Variants in SPTB observed in about 807,000 individuals in gnomAD.
The protein encoded by SPTB is spectrin beta, erythrocytic.
A neutral mutation model predicts 256.2 loss-of-function variants in SPTB; 45 were observed. That is an observed-to-expected ratio of 0.18 (90% CI 0.14 to 0.23). SPTB has a LOEUF of 0.23. Ranked by LOEUF, SPTB falls within the 10% of genes least tolerant of loss-of-function variation. The pLI is 1.00. For synonymous variants in SPTB, 1,231 were observed against 1,243.1 expected (o/e 0.99, Z 0.21); for missense variants, 2,715 against 3,040.4 (o/e 0.89, Z 2.52).
chr14:64,767,699 C>T lies in SPTB; in HGVS notation c.6183G>A (p.Trp2061Ter). ...TCTCCAGGGCAGCAAAGCGCTCTGC[C>T]CAGCTGGCCGTGGACTTCTCAAAAG... ...HEAFEKSTAS[W>*]AERFAALEKP... The change falls in exon 30 of 36, where the codon TGG becomes TGA. Residue 2061 changes from tryptophan to a stop codon, truncating the protein, a stop_gained. Coordinates refer to ENST00000644917, the MANE Select transcript of SPTB (RefSeq NM_001355436.2). LOFTEE classifies it high-confidence loss of function. 1 of 1,614,208 alleles carries T rather than the reference C, an allele frequency of 6.2e-7. No homozygotes were observed. The highest frequency in any genetic ancestry group is 8.5e-7 in the Non-Finnish European group (1 of 1,180,036).
chr14:64,839,259 G>A (rs1467016080), intron 1 of SPTB, among the ~76,000 whole-genome samples: 1 of 152,224 alleles, frequency 6.6e-6, no homozygotes, highest in East Asian at 1.9e-4. Context: ...AAAAAGGCAA[G>A]AATTGATATA....
intron 12 of SPTB, among the ~76,000 whole-genome samples, 153 bp from the exon 13 acceptor site, chr14:64,794,770 C>A (rs187574859): frequency 6.6e-6 from 1 of 152,252 alleles, no homozygotes; most frequent in Non-Finnish European, 1.5e-5. Context: ...ATGGAAGAAG[C>A]TCCAGAGGGA....
chr14:64,766,449 T>C (rs544538084), intron 32 of SPTB: 24 of 1,418,436 alleles, frequency 1.7e-5, no homozygotes, highest in Non-Finnish European at 1.8e-5. Flanking sequence ...TAAAATTTAT[T>C]ACATTAGGTA....
At position 64,784,275 on chromosome 14, in the gene SPTB, T is replaced by C. The variant is rs146778255; in HGVS notation, c.3974A>G (p.His1325Arg). 8 of 1,614,126 alleles carry C rather than the reference T, an allele frequency of 5.0e-6. No individual in the cohort carries two copies. The African/African-American group carries it at 1.1e-4, about 22-fold the overall frequency. ...ATCGATGTTCTCTAGCCACCCTTCA[T>C]GGGAAGCCAGCTCTGCCACAAACGC... ...HQAFVAELAS[H>R]EGWLENIDAE... The change falls in exon 19 of 36, where the codon CAT (histidine) becomes CGT (arginine). Residue 1325 changes from histidine to arginine, a missense_variant. His to Arg is a conservative substitution (Grantham distance 29). This residue lies in a region of SPTB where 2,239 missense variants were observed against 2,384.4 expected (regional missense o/e 0.94). Coordinates refer to ENST00000644917, the MANE Select transcript of SPTB (RefSeq NM_001355436.2).
intron 1 of SPTB, among the ~76,000 whole-genome samples, chr14:64,856,507 A>T (rs2083875116): frequency 6.6e-6 from 1 of 151,500 alleles, no homozygotes; most frequent in South Asian, 2.1e-4. Flanking sequence ...TTTGGAAGGG[A>T]AAATTCAGTC....
chr14:64,751,067 TTTATA>T lies in SPTB; in HGVS notation c.6603-918_6603-914del, dbSNP rs933457311. 6.6e-4 allele frequency among the ~76,000 whole-genome samples: 87 copies of T among 131,832 alleles called. No homozygotes were observed. The East Asian group carries it at 0.015, about 23-fold the overall frequency. 86.5% of individuals were successfully genotyped at this position (131,832 alleles called of 152,430 possible). ...ATTATATATTATATAATATATAACATTTATAGTATATAACATTTATATATTATACA... is the reference window on the plus strand; with the variant it reads ...ATTATATATTATATAATATATAACATGTATATAACATTTATATATTATACA... On this transcript the variant is annotated intron_variant, in intron 33 of 35. Coordinates refer to ENST00000644917, the MANE Select transcript of SPTB (RefSeq NM_001355436.2).
intron 1 of SPTB, among the ~76,000 whole-genome samples, chr14:64,869,251 T>G (rs1367902665): frequency 6.6e-6 from 1 of 152,206 alleles, no homozygotes; most frequent in Non-Finnish European, 1.5e-5. Context: ...GCTTACCACA[T>G]AACTTTCTCA....
At chr14:64,859,190 G>T (rs573776511) in intron 1 of SPTB, among the ~76,000 whole-genome samples, 1 of 152,202 alleles carries the variant, frequency 6.6e-6, no homozygotes, top group African/African-American at 2.4e-5. Context: ...GGAGACGGAG[G>T]TTGCAGTGAG....
Position 64,774,522 on chromosome 14 carries a change from T to C in SPTB, c.4848A>G (p.Glu1616=), listed in dbSNP as rs749147068. The C allele has an allele frequency of 8.4e-6, 13 of 1,553,392 alleles. No homozygotes were observed. The highest frequency in any genetic ancestry group is 1.0e-5 in the Non-Finnish European group (12 of 1,148,106). ...GCTTCAGCATCACAATGGCGCCCTCTTCATCCTAGGAGGCAGCAGACGGTC... is the reference window on the plus strand; with the variant it reads ...GCTTCAGCATCACAATGGCGCCCTCCTCATCCTAGGAGGCAGCAGACGGTC... ...YVISDEIPKD[E]EGAIVMLKRH... Residue 1616 remains glutamate, a synonymous_variant, in exon 24 of 36, where the codon GAA becomes GAG. Coordinates refer to ENST00000644917, the MANE Select transcript of SPTB (RefSeq NM_001355436.2).
chr14:64,842,181 T>C (rs1031785062), intron 1 of SPTB, among the ~76,000 whole-genome samples: 1 of 152,210 alleles, frequency 6.6e-6, no homozygotes, highest in Non-Finnish European at 1.5e-5. Flanking sequence ...TAAGCCAGCA[T>C]AGGTCATTTG....
At position 64,824,649 on chromosome 14, in the gene SPTB, G is replaced by A. The variant is rs555511713; in HGVS notation, c.-51-1504C>T. The stretch of plus-strand genomic sequence containing the variant: ...TTGACAGCCAGTGAGCTGTGAGGGA[G>A]ACCACTCCCTCTGTGGGTGTGTGCA... On this transcript the variant is annotated intron_variant, in intron 1 of 35. Coordinates refer to ENST00000644917, the MANE Select transcript of SPTB (RefSeq NM_001355436.2). The surrounding 1 kb of genome is among the most constrained non-coding windows in gnomAD (Gnocchi z 5.7). 7.2e-5 allele frequency among the ~76,000 whole-genome samples: 11 copies of A among 152,210 alleles called. No homozygotes were observed. In the South Asian group the frequency reaches 1.7e-3, roughly 23 times the overall value.
At chr14:64,850,910 T>C (rs1316191994) in intron 1 of SPTB, among the ~76,000 whole-genome samples, 1 of 152,250 alleles carries the variant, frequency 6.6e-6, no homozygotes, top group East Asian at 1.9e-4. Flanking sequence ...GCTCATTGCA[T>C]GCAGTCTTTC....
At position 64,766,409 on chromosome 14, in the gene SPTB, C is replaced by T. The variant is rs572325909; in HGVS notation, c.6345+317G>A. ...CTAATCATCTCTGGCTAGTGTTTCC[C>T]CTCATGTAAATGGTGATATATTTAT... On this transcript the variant is annotated intron_variant, in intron 32 of 35. Coordinates refer to ENST00000644917, the MANE Select transcript of SPTB (RefSeq NM_001355436.2). The T allele has an allele frequency of 9.9e-5, 136 of 1,370,900 alleles. 1 individual carries two copies. In the African/African-American group the frequency reaches 1.9e-3, roughly 19 times the overall value. The allele number at this position is 1,370,900 out of a possible 1,614,324, so 84.9% of individuals were successfully genotyped here. A position where few individuals can be genotyped will look rare whatever the true frequency, so the allele number is the denominator to read the frequency against.
chr14:64,766,400 A>G (rs1315531078), intron 32 of SPTB: 1 of 1,358,650 alleles, frequency 7.4e-7, no homozygotes, highest in East Asian at 2.9e-5. Context: ...ATCTCTGGCT[A>G]GTGTTTCCCC....
Position 64,821,971 on chromosome 14 carries a change from C to T in SPTB, c.148+976G>A, listed in dbSNP as rs576109021. Among the ~76,000 whole-genome samples, 27 of 152,156 alleles carry T rather than the reference C, an allele frequency of 1.8e-4. 1 individual carries two copies. In the South Asian group the frequency reaches 3.7e-3, roughly 21 times the overall value. On this transcript the variant is annotated intron_variant, in intron 2 of 35. Transcript: ENST00000644917. ...GAGGGAGTGGGGAAGAGGATTACTA[C>T]AACCTTCAATTTGGGCCATAAGGTA...
chr14:64,824,512 T>C lies in SPTB; in HGVS notation c.-51-1367A>G, dbSNP rs2083347089. Among the ~76,000 whole-genome samples the C allele has an allele frequency of 6.6e-6, 1 of 152,072 alleles. No individual in the cohort carries two copies. The highest frequency in any genetic ancestry group is 2.4e-5 in the African/African-American group (1 of 41,398). Reference sequence around the variant, plus strand: ...TGACATTTGGTCCTCTTTCTAGGGATCTTAAGGGACTCCAAGATCAAGTCT... The same window carrying C: ...TGACATTTGGTCCTCTTTCTAGGGACCTTAAGGGACTCCAAGATCAAGTCT... On this transcript the variant is annotated intron_variant, in intron 1 of 35. Coordinates refer to ENST00000644917, the MANE Select transcript of SPTB (RefSeq NM_001355436.2). The surrounding 1 kb of genome is among the most constrained non-coding windows in gnomAD (Gnocchi z 5.7).
At position 64,827,348 on chromosome 14, in the gene SPTB, C is replaced by A. The variant is rs2083390472; in HGVS notation, c.-51-4203G>T. Among the ~76,000 whole-genome samples, 1 of 152,220 alleles carries A rather than the reference C, an allele frequency of 6.6e-6. No homozygotes were observed. Among genetic ancestry groups the A allele is most frequent in the South Asian group, 2.1e-4 (1 of 4,832 alleles). ...TACAGGGCAACGCAGGGCTGAGGAG[C>A]AGGCTGTTGAAATAGCAAGGACACT... On this transcript the variant is annotated intron_variant, in intron 1 of 35. Transcript: ENST00000644917. This position sits in a 1 kb window ranked among gnomAD's most constrained non-coding sequence, Gnocchi z 4.6.
intron 2 of SPTB, among the ~76,000 whole-genome samples, chr14:64,808,518 A>C (rs2083027648): frequency 6.6e-6 from 1 of 152,134 alleles, no homozygotes; most frequent in South Asian, 2.1e-4. Context: ...AAACCCTCAA[A>C]TATATCCAGT....
chr14:64,781,164 G>A (rs2082464447), intron 20 of SPTB, among the ~76,000 whole-genome samples: 1 of 152,176 alleles, frequency 6.6e-6, no homozygotes, highest in African/African-American at 2.4e-5. Flanking sequence ...ATAGGAATGG[G>A]CAAAGATTTC....
Sources: gnomAD v4.1 joint callset for allele counts (sites outside exome capture counted in the v4.1 genomes callset) on GRCh38, gnomAD v4.1.1 for gene constraint, gnomAD v4.1.1 regional missense constraint, Gnocchi (gnomAD v3.1) non-coding constraint, MANE v1.5 for transcripts, NCBI Gene and HGNC (gene_info 2026-07-23, HGNC 2026-07-21) for gene names.